Variants in SPAG16 observed in about 807,000 individuals in gnomAD.
SPAG16 encodes the protein sperm-associated antigen 16 protein.
In SPAG16, 86 loss-of-function variants were observed where a neutral mutation model predicts 80.4. The ratio of observed to expected loss-of-function variants is 1.07; its 90% confidence interval spans 0.90 to 1.28. SPAG16 has a LOEUF of 1.28. Ranked by LOEUF, SPAG16 falls within the 50% of genes most tolerant of loss-of-function variation. SPAG16 has a pLI of 0.00. For missense variants in SPAG16, 870 were observed against 765.3 expected, an observed-to-expected ratio of 1.14 and a Z score of -1.61; for synonymous variants, 294 against 265.9, an observed-to-expected ratio of 1.11 and a Z score of -1.03.
chr2:213,949,353 G>C (rs767608671), intron 12 of SPAG16, among the ~76,000 whole-genome samples: 1 of 151,734 alleles, frequency 6.6e-6, no homozygotes. Context: ...ATTTTTAGTA[G>C]AGATGGCATT....
At chr2:214,234,454 G>GA (rs1688936527) in intron 15 of SPAG16, among the ~76,000 whole-genome samples, 1 of 152,084 alleles carries the variant, frequency 6.6e-6, no homozygotes, top group South Asian at 2.1e-4. Flanking sequence ...GGTCTTTGAG[G>GA]AATTACCACA....
At chr2:214,234,145 T>G (rs1157619408) in intron 15 of SPAG16, among the ~76,000 whole-genome samples, 3 of 152,202 alleles carry the variant, frequency 2.0e-5, no homozygotes, top group Non-Finnish European at 4.4e-5. Flanking sequence ...GGTATTTGGT[T>G]TTCTGCTTCT....
chr2:213,591,616 A>G (rs547069048), intron 10 of SPAG16, among the ~76,000 whole-genome samples: 1 of 152,374 alleles, frequency 6.6e-6, no homozygotes. Flanking sequence ...TGATAGGTAT[A>G]GAAACCACTG....
chr2:214,074,568 A>G (rs2050971776), intron 13 of SPAG16, among the ~76,000 whole-genome samples: 1 of 152,184 alleles, frequency 6.6e-6, no homozygotes. Context: ...AAACACTTTC[A>G]ATTATCAAAA....
At chr2:214,095,167 G>A (rs1040278330) in intron 13 of SPAG16, among the ~76,000 whole-genome samples, 3 of 151,996 alleles carry the variant, frequency 2.0e-5, no homozygotes, top group Admixed American at 1.3e-4. Flanking sequence ...CCTTCATAGC[G>A]TTTATCAAAG....
intron 15 of SPAG16, among the ~76,000 whole-genome samples, chr2:214,161,922 A>G (rs962773818): frequency 6.6e-6 from 1 of 152,016 alleles, no homozygotes; most frequent in African/African-American, 2.4e-5. Context: ...ATTTTTTTGG[A>G]GGAGGGATTG....
At chr2:213,808,116 C>T (rs1307487694) in intron 10 of SPAG16, among the ~76,000 whole-genome samples, 3 of 152,216 alleles carry the variant, frequency 2.0e-5, no homozygotes, top group Non-Finnish European at 1.5e-5. Flanking sequence ...AGTAAAGCCA[C>T]GTATGAATGA....
At chr2:213,955,490 C>T (rs1212495772) in intron 12 of SPAG16, among the ~76,000 whole-genome samples, 1 of 152,126 alleles carries the variant, frequency 6.6e-6, no homozygotes, top group Non-Finnish European at 1.5e-5. Context: ...AATCATTTAA[C>T]TATAAATATA....
At chr2:213,465,657 G>A (rs151286383) in intron 9 of SPAG16, among the ~76,000 whole-genome samples, 2,129 of 152,304 alleles carry the variant, frequency 0.014, 21 homozygotes, top group Non-Finnish European at 0.022. Flanking sequence ...GTCCTGCCAG[G>A]TTTTGTGGGG....
At chr2:213,717,455 C>T (rs922197644) in intron 10 of SPAG16, among the ~76,000 whole-genome samples, 1 of 152,030 alleles carries the variant, frequency 6.6e-6, no homozygotes, top group Admixed American at 6.5e-5. Context: ...CCACTGCGCC[C>T]GGCAAAAGTA....
At chr2:213,637,679 A>G (rs994602052) in intron 10 of SPAG16, among the ~76,000 whole-genome samples, 6 of 151,420 alleles carry the variant, frequency 4.0e-5, no homozygotes, top group Admixed American at 3.9e-4. Flanking sequence ...GGAGGGTTGT[A>G]TTTTTCCAGG....
At chr2:213,349,149 C>T (rs184937132) in intron 6 of SPAG16, among the ~76,000 whole-genome samples, 19 of 152,016 alleles carry the variant, frequency 1.2e-4, no homozygotes, top group Non-Finnish European at 2.5e-4. Flanking sequence ...GAATATTTTG[C>T]GCTGAATGAT....
At chr2:213,845,290 T>G (rs1486677589) in intron 10 of SPAG16, among the ~76,000 whole-genome samples, 1 of 151,426 alleles carries the variant, frequency 6.6e-6, no homozygotes, top group Non-Finnish European at 1.5e-5. Flanking sequence ...CTCCATCTCC[T>G]GGGTTCAAAT....
At chr2:213,522,741 G>A (rs1265462931) in intron 10 of SPAG16, among the ~76,000 whole-genome samples, 1 of 151,712 alleles carries the variant, frequency 6.6e-6, no homozygotes. Flanking sequence ...CTTAGTTTGA[G>A]AGAGATCTGT....
chr2:214,161,611 T>C (rs59239191), intron 15 of SPAG16, among the ~76,000 whole-genome samples: 52,245 of 151,928 alleles, frequency 0.34, 9,260 homozygotes, highest in East Asian at 0.54. Flanking sequence ...TTTTGGGAAG[T>C]GTCTGTTGGA....
chr2:213,790,916 G>A (rs2125607679), intron 10 of SPAG16, among the ~76,000 whole-genome samples: 1 of 152,128 alleles, frequency 6.6e-6, no homozygotes, highest in East Asian at 1.9e-4. Flanking sequence ...TCCAGCTGCT[G>A]CCTGAGTATT....
intron 13 of SPAG16, among the ~76,000 whole-genome samples, chr2:214,016,245 C>T (rs751920390): frequency 2.0e-5 from 3 of 152,112 alleles, no homozygotes; most frequent in Non-Finnish European, 2.9e-5. Flanking sequence ...TTCCTTATAC[C>T]TGTGGAGGCC....
chr2:213,470,497 G>A (rs918062617), intron 9 of SPAG16, among the ~76,000 whole-genome samples: 1 of 152,194 alleles, frequency 6.6e-6, no homozygotes, highest in African/African-American at 2.4e-5. Context: ...TGATGGAAGA[G>A]GTTCAGTATA....
intron 9 of SPAG16, among the ~76,000 whole-genome samples, chr2:213,481,031 TA>T (rs1466374469): frequency 6.6e-6 from 1 of 152,212 alleles, no homozygotes; most frequent in Non-Finnish European, 1.5e-5. Flanking sequence ...GCCCGCCAAC[TA>T]AAGAATATAT....
Sources: allele counts gnomAD v4.1 joint callset (sites outside exome capture counted in the v4.1 genomes callset), GRCh38; gene constraint gnomAD v4.1.1; transcripts MANE v1.5; gene names NCBI Gene and HGNC (gene_info 2026-07-23, HGNC 2026-07-21).